Variants in STRA6 observed in about 807,000 individuals in gnomAD.
STRA6 encodes receptor for retinol uptake STRA6.
In STRA6, 48 loss-of-function variants were observed where a neutral mutation model predicts 83.6. That is an observed-to-expected ratio of 0.57 (90% CI 0.46 to 0.73). The LOEUF (loss-of-function observed/expected upper bound fraction) is 0.73. Among genes scored for constraint, STRA6 ranks in the 30% least tolerant of loss-of-function variants. The pLI, the probability that STRA6 is intolerant of heterozygous loss-of-function variation, is 0.00. For synonymous variants in STRA6, 353 were observed against 362.3 expected (o/e 0.97, Z 0.29); for missense variants, 760 against 838.8 (o/e 0.91, Z 1.16).
chr15:74,197,563 G>T, intron 3 of STRA6, 140 bp from the exon 4 acceptor site: 1 of 1,079,296 alleles, frequency 9.3e-7, no homozygotes, highest in Non-Finnish European at 1.4e-6. Flanking sequence ...ACTGGTCAAG[G>T]GGTGACAGAC....
upstream of STRA6, among the ~76,000 whole-genome samples, chr15:74,210,986 T>C (rs1371780499): frequency 1.3e-5 from 2 of 152,154 alleles, no homozygotes; most frequent in Non-Finnish European, 2.9e-5. Flanking sequence ...AGACAGAGCC[T>C]TAGCTAAGGC....
In STRA6 at chr15:74,202,744, A is replaced by G. The variant is rs1427488788; in HGVS notation, c.-47T>C. 1.6e-6 allele frequency: 2 copies of G among 1,236,210 alleles called. No individual in the cohort carries two copies. Among genetic ancestry groups the G allele is most frequent in the East Asian group, 3.3e-5 (1 of 30,062 alleles). The allele number at this position is 1,236,210 out of a possible 1,614,324, so 76.6% of individuals were successfully genotyped here. Reference sequence around the variant, plus strand: ...GGAGGCCCAGGGAGGAAGGAGTTGCAGAGATGAAAGGGTAGGCAGCCCACG... The same window carrying G: ...GGAGGCCCAGGGAGGAAGGAGTTGCGGAGATGAAAGGGTAGGCAGCCCACG... On this transcript the variant is annotated 5_prime_UTR_variant, in exon 1 of 19. Transcript: ENST00000395105.
At chr15:74,211,141 ACGCACG>A (rs1281897104), upstream of STRA6, among the ~76,000 whole-genome samples, 33 of 53,842 alleles carry the variant, frequency 6.1e-4, no homozygotes, top group African/African-American at 1.7e-3. Context: ...CCCCACCACT[ACGCACG>A]CACACGCACA....
upstream of STRA6, among the ~76,000 whole-genome samples, chr15:74,210,943 G>A (rs761339636): frequency 6.6e-6 from 1 of 152,186 alleles, no homozygotes; most frequent in Admixed American, 6.5e-5. Context: ...GAAGTCATGA[G>A]TTAAGTAGAA....
rs368033022 is a variant in STRA6 at position 74,180,188 on chromosome 15, G to A, written c.1896C>T (p.Ala632=). The change falls in exon 19 of 19, where the codon GCC becomes GCT. Residue 632 remains alanine, a synonymous_variant. Coordinates refer to ENST00000395105, the MANE Select transcript of STRA6 (RefSeq NM_022369.4). ...DSMAKGARPG[A]SRGRARWGLA... ...GACCCCAGCGAGCCCTGCCGCGGCT[G>A]GCCCCGGGCCTAGCTCCCTTGGCCA... 1 of 1,613,960 alleles carries A rather than the reference G, an allele frequency of 6.2e-7. No homozygotes were observed. The highest frequency in any genetic ancestry group is 1.3e-5 in the African/African-American group (1 of 74,942).
intron 8 of STRA6, among the ~76,000 whole-genome samples, chr15:74,192,855 C>A (rs1342943031): frequency 6.6e-6 from 1 of 152,344 alleles, no homozygotes; most frequent in African/African-American, 2.4e-5. Flanking sequence ...CCGCCCCCTG[C>A]ACCACAGTCC....
At position 74,183,697 on chromosome 15, in the gene STRA6, A is replaced by G. The variant is rs2073101569; in HGVS notation, c.1300+159T>C. The G allele has an allele frequency of 1.1e-5, 17 of 1,574,188 alleles. No homozygotes were observed. In the South Asian group the frequency reaches 1.8e-4, roughly 17 times the overall value. ...CATCCTGAATAAGCTTCTTAAGGGC[A>G]GGGAAGGCAGGGGGGTCCCTCCTTC... On this transcript the variant is annotated intron_variant, in intron 14 of 18. Transcript: ENST00000395105.
chr15:74,190,836 A>G lies in STRA6; in HGVS notation c.927+4T>C, dbSNP rs2073494654. On this transcript the variant is annotated splice_donor_region_variant and intron_variant, in intron 11 of 18. Coordinates refer to ENST00000395105, the MANE Select transcript of STRA6 (RefSeq NM_022369.4). ...CAGATGGCAGTACAGGGTGAGGGAC[A>G]TACCTGGTAAATGGCCGTCCCTGTC... The G allele has an allele frequency of 6.2e-7, 1 of 1,613,978 alleles. No homozygotes were observed. Among genetic ancestry groups the G allele is most frequent in the Admixed American group, 1.7e-5 (1 of 59,994 alleles).
Position 74,202,175 on chromosome 15 carries a change from G to A in STRA6, c.93C>T (p.Gly31=), listed in dbSNP as rs556879884. 26 of 1,504,780 alleles carry A rather than the reference G, an allele frequency of 1.7e-5. No individual in the cohort carries two copies. The East Asian group carries it at 2.5e-4, about 15-fold the overall frequency. 93.2% of individuals were successfully genotyped at this position (1,504,780 alleles called of 1,614,324 possible). A position where few individuals can be genotyped will look rare whatever the true frequency, so the allele number is the denominator to read the frequency against. ...GSWYIDEPQG[G]EELQPEGEVP... ...CTTACCCCTCTGGCTGGAGCTCCTC[G>A]CCCCCCTGGGGCTCATCGATGTACC... Residue 31 remains glycine (G), a synonymous_variant, in exon 2 of 19, where the codon GGC becomes GGT. Transcript: ENST00000395105.
At chr15:74,197,106 G>A (rs2142059278) in intron 4 of STRA6, among the ~76,000 whole-genome samples, 1 of 152,272 alleles carries the variant, frequency 6.6e-6, no homozygotes, top group South Asian at 2.1e-4. Flanking sequence ...CTAGGGTCTG[G>A]GTTGGAGTCC....
At chr15:74,182,088 G>T in intron 16 of STRA6, 73 bp downstream of exon 16, 5 of 1,282,336 alleles carry the variant, frequency 3.9e-6, no homozygotes, top group Non-Finnish European at 5.7e-6. Flanking sequence ...AGTGGAGGGA[G>T]GACACAAAAA....
Position 74,196,132 on chromosome 15 carries a change from C to T in STRA6, c.282G>A (p.Leu94=), listed in dbSNP as rs1413080333. ...GCACTGCCCGGGGCCTGTCCCCAGC[C>T]AAGAAATCCACAGGGCTAGCACAGA... ...RPGLPSPVDF[L]AGDRPRAVPA... The change falls in exon 5 of 19, where the codon TTG becomes TTA. Residue 94 remains leucine, a synonymous_variant. Transcript: ENST00000395105. 2 of 1,613,864 alleles carry T rather than the reference C, an allele frequency of 1.2e-6. No homozygotes were observed. Among genetic ancestry groups the T allele is most frequent in the South Asian group, 1.1e-5 (1 of 91,076 alleles).
At chr15:74,197,455 T>A in intron 3 of STRA6, 32 bp from the exon 4 acceptor site, 1 of 1,516,166 alleles carries the variant, frequency 6.6e-7, no homozygotes, top group Non-Finnish European at 9.0e-7. Context: ...GGGCTTGGGG[T>A]GCCCAGGCCT....
intron 14 of STRA6, chr15:74,183,499 C>A: frequency 8.6e-7 from 1 of 1,160,234 alleles, no homozygotes. Context: ...CTGCCTCAGC[C>A]TCCCAAAGTG....
Position 74,179,842 on chromosome 15 carries a change from C to G in STRA6, c.*238G>C. On this transcript the variant is annotated 3_prime_UTR_variant, in exon 19 of 19. Coordinates refer to ENST00000395105, the MANE Select transcript of STRA6 (RefSeq NM_022369.4). ...GCTCAACTGGCTCCTGGACCAAGGC[C>G]CTAACCCACCAGTTTCTTTCTCCAG... 1 of 558,856 alleles carries G rather than the reference C, an allele frequency of 1.8e-6. No individual in the cohort carries two copies. Among genetic ancestry groups the G allele is most frequent in the Non-Finnish European group, 3.2e-6 (1 of 316,658 alleles). 34.6% of individuals were successfully genotyped at this position (558,856 alleles called of 1,614,324 possible).
At chr15:74,195,914 T>C in intron 5 of STRA6, 94 bp downstream of exon 5, 1 of 1,555,664 alleles carries the variant, frequency 6.4e-7, no homozygotes. Flanking sequence ...CTGTTCCTGT[T>C]ACTCTCATCT....
intron 13 of STRA6, 99 bp downstream of exon 13, chr15:74,184,881 G>A (rs1294280032): frequency 3.2e-5 from 40 of 1,241,982 alleles, no homozygotes; most frequent in Non-Finnish European, 4.4e-5. Flanking sequence ...GGCCGGCAGA[G>A]CCCTTCCCTC....
chr15:74,186,302 C>T (rs1328725319), intron 12 of STRA6, among the ~76,000 whole-genome samples: 1 of 152,244 alleles, frequency 6.6e-6, no homozygotes, highest in Non-Finnish European at 1.5e-5. Flanking sequence ...TTATTGGGTG[C>T]CTACTACAGT....
At chr15:74,181,054 C>T (rs1448497712) in intron 17 of STRA6, 117 bp from the exon 18 acceptor site, 8 of 1,472,780 alleles carry the variant, frequency 5.4e-6, no homozygotes, top group African/African-American at 1.4e-5. Context: ...CCAAGCATGT[C>T]GACACACCAA....
Sources: gnomAD v4.1 joint callset for allele counts (sites outside exome capture counted in the v4.1 genomes callset) on GRCh38, gnomAD v4.1.1 for gene constraint, MANE v1.5 for transcripts, NCBI Gene and HGNC (gene_info 2026-07-23, HGNC 2026-07-21) for gene names.